CNIH3: variants seen among roughly 807,000 people sequenced by gnomAD.
The protein encoded by CNIH3 is cornichon family AMPA receptor auxiliary protein 3, also known as protein cornichon homolog 3.
CNIH3 carries 14 observed loss-of-function variants against 24.1 expected under a neutral mutation model. The ratio of observed to expected loss-of-function variants is 0.58; its 90% CI spans 0.38 to 0.91. The LOEUF is 0.91. CNIH3 is among the 40% of genes least tolerant of loss of function. CNIH3 has a pLI of 0.00. For synonymous variants in CNIH3, 68 were observed against 73.8 expected, an observed-to-expected ratio of 0.92 and a Z score of 0.40; for missense variants, 178 against 196.8, an observed-to-expected ratio of 0.90 and a Z score of 0.57.
intron 1 of CNIH3, among the ~76,000 whole-genome samples, chr1:224,519,379 T>C (rs1678529828): frequency 1.3e-5 from 2 of 152,216 alleles, no homozygotes; most frequent in South Asian, 4.2e-4. Flanking sequence ...CCCCTGGTTC[T>C]CAGGCCTTCA....
At chr1:224,511,362 G>A (rs183747023), upstream of CNIH3, among the ~76,000 whole-genome samples, 15 of 152,330 alleles carry the variant, frequency 9.8e-5, no homozygotes, top group South Asian at 3.1e-3. Flanking sequence ...ATTTGTGTTT[G>A]TGAAGTGCTT....
At chr1:224,503,488 G>A (rs541770175) in intron 1 of CNIH3, among the ~76,000 whole-genome samples, 1 of 152,312 alleles carries the variant, frequency 6.6e-6, no homozygotes, top group South Asian at 2.1e-4. Context: ...GCAGGAGGAG[G>A]GCTGTCGCTG....
At chr1:224,445,456 A>G (rs1317784593) in intron 1 of CNIH3, among the ~76,000 whole-genome samples, 2 of 151,620 alleles carry the variant, frequency 1.3e-5, no homozygotes, top group Non-Finnish European at 2.9e-5. Context: ...CATGCCTGTA[A>G]TCCCAGCTAC....
At chr1:224,737,237 A>G (rs1689642217) in intron 5 of CNIH3, among the ~76,000 whole-genome samples, 1 of 146,904 alleles carries the variant, frequency 6.8e-6, no homozygotes, top group African/African-American at 2.5e-5. Context: ...GGGGTGGGGT[A>G]GGGAGGTCTT....
At chr1:224,441,600 A>G (rs1053511170) in intron 1 of CNIH3, among the ~76,000 whole-genome samples, 2 of 152,256 alleles carry the variant, frequency 1.3e-5, no homozygotes, top group Non-Finnish European at 2.9e-5. Flanking sequence ...GGTAAAACAC[A>G]ATTATGACTG....
In CNIH3 at chr1:224,670,949, A is replaced by G. The variant is rs989584000; in HGVS notation, c.82-10009A>G. On this transcript the variant is annotated intron_variant, in intron 1 of 5. Coordinates refer to ENST00000272133, the MANE Select transcript of CNIH3 (RefSeq NM_152495.2). ...ATTAATATTTAAATTGGTAAAGCAGATTGCCCTCCCTAACATAGGTGGGCC... is the reference window on the plus strand; with the variant it reads ...ATTAATATTTAAATTGGTAAAGCAGGTTGCCCTCCCTAACATAGGTGGGCC... Among the ~76,000 whole-genome samples the G allele has an allele frequency of 2.6e-5, 4 of 152,348 alleles. No individual in the cohort carries two copies. In the South Asian group the frequency reaches 8.3e-4, roughly 32 times the overall value.
At chr1:224,618,163 G>A (rs1275103197) in intron 1 of CNIH3, among the ~76,000 whole-genome samples, 1 of 152,230 alleles carries the variant, frequency 6.6e-6, no homozygotes, top group Admixed American at 6.5e-5. Flanking sequence ...TCCTCTCAAA[G>A]ACTGTGCAAC....
downstream of CNIH3, chr1:224,537,430 CTG>C (rs1558140696): frequency 6.6e-6 from 1 of 152,234 alleles, no homozygotes; most frequent in Non-Finnish European, 1.5e-5. Flanking sequence ...TGATAAAAGA[CTG>C]GAAAGACTGC....
At chr1:224,543,577 G>A (rs1679594015) in intron 2 of CNIH3, among the ~76,000 whole-genome samples, 1 of 145,838 alleles carries the variant, frequency 6.9e-6, no homozygotes, top group Non-Finnish European at 1.5e-5. Context: ...TGCTGACTCT[G>A]GGTGGTTAGT....
At chr1:224,472,085 C>T (rs754238202) in intron 1 of CNIH3, among the ~76,000 whole-genome samples, 53 of 152,078 alleles carry the variant, frequency 3.5e-4, no homozygotes, top group Non-Finnish European at 6.5e-4. Context: ...GGGTATTTCC[C>T]TAGCAATGGG....
intron 3 of CNIH3, among the ~76,000 whole-genome samples, chr1:224,717,109 A>T (rs1432714509): frequency 1.3e-5 from 2 of 152,144 alleles, no homozygotes; most frequent in African/African-American, 2.4e-5. Context: ...CCAGTGAGGC[A>T]TTTGGTGTGT....
At chr1:224,517,401 G>A (rs10916630) in intron 1 of CNIH3, among the ~76,000 whole-genome samples, 25 of 152,008 alleles carry the variant, frequency 1.6e-4, no homozygotes, top group Non-Finnish European at 2.9e-4. Flanking sequence ...TTACTCACCC[G>A]CCTGGAGTGG....
chr1:224,732,870 T>G (rs1689409088), intron 4 of CNIH3, among the ~76,000 whole-genome samples: 2 of 152,148 alleles, frequency 1.3e-5, no homozygotes, highest in South Asian at 4.1e-4. Context: ...CAATAGGGAC[T>G]TTGTCTTACC....
intron 2 of CNIH3, among the ~76,000 whole-genome samples, chr1:224,534,970 AACACCAGGTACTCATAG>A (rs368153716): frequency 1.4e-3 from 218 of 152,292 alleles, no homozygotes; most frequent in African/African-American, 4.9e-3. Context: ...CCTCTTCAGA[AACACCAGGTACTCATAG>A]ACACCTACCG....
chr1:224,651,217 A>G (rs1004871254), intron 1 of CNIH3, among the ~76,000 whole-genome samples: 3 of 152,202 alleles, frequency 2.0e-5, no homozygotes, highest in African/African-American at 7.2e-5. Context: ...AATAAAAAAG[A>G]AAACAATGGT....
intron 1 of CNIH3, among the ~76,000 whole-genome samples, chr1:224,650,709 C>T (rs1347770610): frequency 6.6e-6 from 1 of 152,088 alleles, no homozygotes; most frequent in Non-Finnish European, 1.5e-5. Context: ...TTTCTATGTG[C>T]GCGAGGATAT....
At chr1:224,618,062 G>C (rs1364572497) in intron 1 of CNIH3, among the ~76,000 whole-genome samples, 1 of 152,208 alleles carries the variant, frequency 6.6e-6, no homozygotes, top group African/African-American at 2.4e-5. Context: ...GTGGATCCCA[G>C]TTCTTTAGGT....
chr1:224,586,208 G>A (rs1169177761), intron 5 of CNIH3, among the ~76,000 whole-genome samples: 4 of 152,274 alleles, frequency 2.6e-5, no homozygotes, highest in South Asian at 2.1e-4. Flanking sequence ...GTATTAGCCC[G>A]TTTTCATGCT....
chr1:224,648,591 A>T (rs1684726616), intron 1 of CNIH3, among the ~76,000 whole-genome samples: 1 of 152,118 alleles, frequency 6.6e-6, no homozygotes, highest in Non-Finnish European at 1.5e-5. Flanking sequence ...TTTAGGAGCA[A>T]AGCACACTGT....
Sources: gnomAD v4.1 joint callset for allele counts (sites outside exome capture counted in the v4.1 genomes callset) on GRCh38, gnomAD v4.1.1 for gene constraint, MANE v1.5 for transcripts, NCBI Gene and HGNC (gene_info 2026-07-23, HGNC 2026-07-21) for gene names.